Variants in LAMA5 observed in about 807,000 individuals in gnomAD.
LAMA5 encodes the protein laminin subunit alpha 5.
Under a neutral mutation model 433.4 loss-of-function variants are expected in LAMA5, and 260 were observed. The observed-to-expected ratio is 0.60, with a 90% CI of 0.54 to 0.66. LAMA5 has a LOEUF of 0.66. Among genes scored for constraint, LAMA5 ranks in the 30% least tolerant of loss-of-function variants. The pLI is 0.00. For missense variants in LAMA5, 5,378 were observed against 5,258.5 expected (o/e 1.02, Z -0.70); for synonymous variants, 2,620 against 2,226.6 (o/e 1.18, Z -4.97).
chr20:62,349,524 C>CA lies in LAMA5; in HGVS notation c.956+2179dup, dbSNP rs1406322077. On this transcript the variant is annotated intron_variant, in intron 6 of 79. Coordinates refer to ENST00000252999, the MANE Select transcript of LAMA5 (RefSeq NM_005560.6). ...AGCTATCAACCACGAATCCTACAGT[C>CA]AGCTCAACTATCATTCAAGAGGGAG... 4.7e-5 allele frequency among the ~76,000 whole-genome samples: 7 copies of CA among 149,864 alleles called. No homozygotes were observed. In the Admixed American group the frequency reaches 4.7e-4, roughly 10 times the overall value.
At chr20:62,362,618 A>C (rs1601437396) in intron 1 of LAMA5, 66 bp from the exon 2 acceptor site, 1 of 1,336,750 alleles carries the variant, frequency 7.5e-7, no homozygotes, top group Non-Finnish European at 9.8e-7. Flanking sequence ...CTCCACAGTC[A>C]CCCTGCTGCC....
In LAMA5 at chr20:62,329,923, G is replaced by A. The variant is rs374878844; in HGVS notation, c.3980-7C>T. On this transcript the variant is annotated splice_polypyrimidine_tract_variant and splice_region_variant and intron_variant, in intron 31 of 79. Coordinates refer to ENST00000252999, the MANE Select transcript of LAMA5 (RefSeq NM_005560.6). ...AAGCTGGCGTTGGCGTGGCCTGGGC[G>A]GGGGAGAAAGGCAGGGTCAGGCCCC... The A allele has an allele frequency of 2.1e-4, 335 of 1,609,716 alleles. No homozygotes were observed. The highest frequency in any genetic ancestry group is 2.7e-4 in the Non-Finnish European group (318 of 1,179,458).
Position 62,320,765 on chromosome 20 carries a change from G to T in LAMA5, c.6622C>A (p.Leu2208Met), listed in dbSNP as rs373341591. ...SSMAWARLHR[L>M]NASIADLQSQ... Reference sequence around the variant, plus strand: ...TGCAGGTCAGCGATGGAGGCGTTCAGCCTGTGCAGACGGGCCCAGGCCATG... The same window carrying T: ...TGCAGGTCAGCGATGGAGGCGTTCATCCTGTGCAGACGGGCCCAGGCCATG... Residue 2208 changes from leucine (L) to methionine (M), a missense_variant, in exon 49 of 80, where the codon CTG becomes ATG. By Grantham distance (15) the Leu-to-Met change is conservative. Transcript: ENST00000252999. The T allele has an allele frequency of 3.7e-6, 6 of 1,612,586 alleles. No individual in the cohort carries two copies. In the African/African-American group the frequency reaches 8.0e-5, roughly 22 times the overall value.
At chr20:62,313,934 G>A (rs1231415877) in intron 62 of LAMA5, 132 bp from the exon 63 acceptor site, 2 of 927,546 alleles carry the variant, frequency 2.2e-6, no homozygotes, top group African/African-American at 1.9e-5. Flanking sequence ...GAGACGAGGG[G>A]TGGCGAGTGG....
chr20:62,334,964 C>T, intron 20 of LAMA5, 57 bp downstream of exon 20: 2 of 1,540,756 alleles, frequency 1.3e-6, no homozygotes, highest in Non-Finnish European at 9.0e-7. Flanking sequence ...TTGGGTTCCC[C>T]AGCATAAACC....
intron 34 of LAMA5, 138 bp from the exon 35 acceptor site, chr20:62,328,583 G>A (rs1246585180): frequency 2.1e-6 from 2 of 953,666 alleles, no homozygotes; most frequent in Non-Finnish European, 3.0e-6. Context: ...CCCGGGTGCT[G>A]AGCCTTGGAC....
intron 39 of LAMA5, 42 bp from the exon 40 acceptor site, chr20:62,326,802 G>GACCACGGT (rs1269103222): frequency 6.2e-6 from 10 of 1,603,356 alleles, no homozygotes; most frequent in Non-Finnish European, 7.7e-6. Context: ...CACGGGCCTG[G>GACCACGGT]ACCACGGTGC....
chr20:62,353,230 G>A lies in LAMA5; in HGVS notation c.472C>T (p.Leu158Phe), dbSNP rs867704365. 6.3e-7 allele frequency: 1 copy of A among 1,595,816 alleles called. No homozygotes were observed. Among genetic ancestry groups the A allele is most frequent in the South Asian group, 1.1e-5 (1 of 88,110 alleles). Residue 158 changes from leucine (L) to phenylalanine (F), a missense_variant, in exon 3 of 80, where the codon CTC becomes TTC. Coordinates refer to ENST00000252999, the MANE Select transcript of LAMA5 (RefSeq NM_005560.6). ...CGGGGTGAGTTGGCAAACTTGATGA[G>A]GACGTAGGCCACGTGGAAGACCTGT... ...LGQVFHVAYVLIKFANSPRPD... is the reference protein window; with the variant it reads ...LGQVFHVAYVFIKFANSPRPD...
chr20:62,321,896 C>A, intron 48 of LAMA5, 123 bp downstream of exon 48: 1 of 965,742 alleles, frequency 1.0e-6, no homozygotes. Flanking sequence ...ATGGGTCTCT[C>A]GGGAAATGGA....
chr20:62,309,622 G>GT (rs1156363230), intron 79 of LAMA5, 94 bp downstream of exon 79: 17 of 534,454 alleles, frequency 3.2e-5, no homozygotes, highest in Non-Finnish European at 4.5e-5. Flanking sequence ...GGTGGGAGGG[G>GT]GCAGGGGGTG....
rs1978865587 is a variant in LAMA5 at position 62,324,282 on chromosome 20, T to C, written c.5644-78A>G. 1.3e-6 allele frequency: 2 copies of C among 1,535,076 alleles called. No homozygotes were observed. The highest frequency in any genetic ancestry group is 2.0e-5 in the Admixed American group (1 of 48,972). ...GAGTCTGTGCAGCTCCCACCACCCC[T>C]GCCTCAGACTCTGTGCCCAAGGCCA... On this transcript the variant is annotated intron_variant, in intron 42 of 79. Coordinates refer to ENST00000252999, the MANE Select transcript of LAMA5 (RefSeq NM_005560.6). This position sits in a 1 kb window ranked among gnomAD's most constrained non-coding sequence, Gnocchi z 4.4.
At chr20:62,338,199 C>A (rs535497622) in intron 13 of LAMA5, 33 bp downstream of exon 13, 8 of 1,574,314 alleles carry the variant, frequency 5.1e-6, no homozygotes, top group Non-Finnish European at 6.9e-6. Context: ...CGGGCCTCCC[C>A]TACCCACGCC....
rs768686653 is a variant in LAMA5 at position 62,311,614 on chromosome 20, C to T, written c.9806G>A (p.Arg3269Gln). Residue 3269 changes from arginine to glutamine, a missense_variant and splice_region_variant, in exon 71 of 80, where the codon CGG becomes CAG. Physicochemically the swap from Arg to Gln is conservative, Grantham distance 43. Coordinates refer to ENST00000252999, the MANE Select transcript of LAMA5 (RefSeq NM_005560.6). ...GTCCCCCAGCGCCCACCAGGCTCAC[C>T]GCTGCACGAAGACGTTGCTGATGCA... ...SGCISNVFVQ[R>Q]LLGPQRVFDL... 42 of 1,605,914 alleles carry T rather than the reference C, an allele frequency of 2.6e-5. No individual in the cohort carries two copies. Among genetic ancestry groups the T allele is most frequent in the East Asian group, 1.6e-4 (7 of 44,590 alleles).
In LAMA5 at chr20:62,328,875, G is replaced by A; in HGVS notation, c.4416C>T (p.Ala1472=). Residue 1472 remains alanine, a synonymous_variant, in exon 34 of 80, where the codon GCC becomes GCT. Transcript: ENST00000252999. ...AGTTGGGGAAGCCCCAGTATCCGGT[G>A]GCACAGCGGGAGCAGTCACGGCCAA... is the stretch of plus-strand genomic sequence containing the variant. The part of the protein sequence containing the change: ...HVIGRDCSRC[A]TGYWGFPNCR... 6.2e-7 allele frequency: 1 copy of A among 1,611,524 alleles called. No homozygotes were observed. Among genetic ancestry groups the A allele is most frequent in the South Asian group, 1.1e-5 (1 of 90,918 alleles).
At position 62,330,582 on chromosome 20, in the gene LAMA5, C is replaced by T. The variant is rs145944943; in HGVS notation, c.3885G>A (p.Thr1295=). Reference sequence around the variant, plus strand: ...GCAGCAGGAAGGCATAGCGGCCCAGCGTGGGCACATGGGTGGTGAAGACCA... The same window carrying T: ...GCAGCAGGAAGGCATAGCGGCCCAGTGTGGGCACATGGGTGGTGAAGACCA... ...ATVVFTTHVP[T]LGRYAFLLHG... The change falls in exon 31 of 80, where the codon ACG becomes ACA. Residue 1295 remains threonine, a synonymous_variant. Transcript: ENST00000252999. The T allele has an allele frequency of 7.6e-4, 1,217 of 1,593,170 alleles. 1 individual carries two copies. The highest frequency in any genetic ancestry group is 9.7e-4 in the Non-Finnish European group (1,137 of 1,171,614).
In LAMA5 at chr20:62,338,036, T is replaced by C. The variant is rs753518311; in HGVS notation, c.1871A>G (p.His624Arg). ...PHCDRCRPGY[H>R]GFPNCQACTC... ...CTCACCTTGGCAGTTGGGGAAACCA[T>C]GGTAGCCAGGGCGGCACCGGTCACA... Residue 624 changes from histidine (H) to arginine (R), a missense_variant, in exon 14 of 80, where the codon CAT becomes CGT. Transcript: ENST00000252999. 10 of 1,599,636 alleles carry C rather than the reference T, an allele frequency of 6.3e-6. No individual in the cohort carries two copies. The highest frequency in any genetic ancestry group is 2.7e-5 in the African/African-American group (2 of 74,586).
At chr20:62,312,136 C>G in intron 69 of LAMA5, 37 bp downstream of exon 69, 1 of 1,609,534 alleles carries the variant, frequency 6.2e-7, no homozygotes, top group Non-Finnish European at 8.5e-7. Flanking sequence ...CGACGGCCAC[C>G]GCGGGGTGGG....
chr20:62,322,769 G>GGTCC lies in LAMA5; in HGVS notation c.6065-15_6065-12dup, dbSNP rs1322198658. On this transcript the variant is annotated splice_polypyrimidine_tract_variant and intron_variant, in intron 45 of 79. Coordinates refer to ENST00000252999, the MANE Select transcript of LAMA5 (RefSeq NM_005560.6). ...GGGTACAGTCGCACCCTGCAGAAGG[G>GGTCC]GTCCGTGACTGCAGCCCTGGGCCCT... 8 of 1,454,760 alleles carry GGTCC rather than the reference G, an allele frequency of 5.5e-6. No individual in the cohort carries two copies. The South Asian group carries it at 1.1e-4, about 20-fold the overall frequency. 90.1% of individuals were successfully genotyped at this position (1,454,760 alleles called of 1,614,324 possible). A position where few individuals can be genotyped will look rare whatever the true frequency, so the allele number is the denominator to read the frequency against.
intron 11 of LAMA5, among the ~76,000 whole-genome samples, chr20:62,342,805 TA>T (rs1982803136): frequency 3.3e-5 from 5 of 152,272 alleles, no homozygotes; most frequent in Admixed American, 2.6e-4. Context: ...ATTGGGAGCA[TA>T]AAAAAGTGTG....
Sources: allele counts gnomAD v4.1 joint callset (sites outside exome capture counted in the v4.1 genomes callset), GRCh38; gene constraint gnomAD v4.1.1; non-coding constraint Gnocchi (gnomAD v3.1); transcripts MANE v1.5; gene names NCBI Gene and HGNC (gene_info 2026-07-23, HGNC 2026-07-21).